SGCD: variants seen among roughly 807,000 people sequenced by gnomAD.
SGCD encodes delta-sarcoglycan.
Under a neutral mutation model 36.6 loss-of-function variants are expected in SGCD, and 18 were observed. That is an observed-to-expected ratio of 0.49 (90% CI 0.34 to 0.73). The LOEUF (loss-of-function observed/expected upper bound fraction) is 0.73, where lower values mean the gene tolerates loss of function less well. Ranked by LOEUF, SGCD falls within the 30% of genes least tolerant of loss-of-function variation. SGCD has a pLI of 0.01. For missense variants in SGCD, 387 were observed against 346.7 expected (o/e 1.12, Z -0.92); for synonymous variants, 133 against 130.6 (o/e 1.02, Z -0.12).
intron 3 of SGCD, among the ~76,000 whole-genome samples, chr5:156,227,136 T>C (rs1764881381): frequency 6.6e-6 from 1 of 152,160 alleles, no homozygotes; most frequent in Admixed American, 6.6e-5. Context: ...TTTTATTGCA[T>C]TTGCTTTTGG....
intron 1 of SGCD, among the ~76,000 whole-genome samples, chr5:155,975,536 A>G (rs1433283169): frequency 6.7e-6 from 1 of 149,164 alleles, no homozygotes; most frequent in East Asian, 2.0e-4. Flanking sequence ...TTTATCATGA[A>G]TGGATGTTGA....
At chr5:156,168,865 A>C (rs550571255) in intron 3 of SGCD, among the ~76,000 whole-genome samples, 13 of 152,318 alleles carry the variant, frequency 8.5e-5, no homozygotes, top group African/African-American at 3.1e-4. Flanking sequence ...AATCAGCAAG[A>C]ATAAACACAC....
At chr5:156,259,221 T>C (rs1475346591) in intron 3 of SGCD, among the ~76,000 whole-genome samples, 1 of 151,972 alleles carries the variant, frequency 6.6e-6, no homozygotes, top group Non-Finnish European at 1.5e-5. Flanking sequence ...TGTTTGTTAA[T>C]GATATGGAGC....
At chr5:156,648,543 C>G (rs184711120) in intron 7 of SGCD, among the ~76,000 whole-genome samples, 37 of 152,084 alleles carry the variant, frequency 2.4e-4, no homozygotes, top group Non-Finnish European at 4.0e-4. Flanking sequence ...TTTGCAAAGC[C>G]TATAAGTCTG....
At chr5:156,298,922 A>T (rs1423627790) in intron 3 of SGCD, among the ~76,000 whole-genome samples, 4 of 151,834 alleles carry the variant, frequency 2.6e-5, no homozygotes, top group African/African-American at 9.7e-5. Context: ...GATTGTTTTG[A>T]CATGCAGAGA....
chr5:156,487,896 A>G (rs1165998388), intron 3 of SGCD, among the ~76,000 whole-genome samples: 1 of 147,694 alleles, frequency 6.8e-6, no homozygotes, highest in East Asian at 1.9e-4. Flanking sequence ...GTGAGACATG[A>G]AAGAAAAAAA....
the SGCD span, among the ~76,000 whole-genome samples, chr5:155,776,006 T>G: frequency 6.6e-6 from 1 of 152,296 alleles, no homozygotes; most frequent in South Asian, 2.1e-4. Flanking sequence ...AAGTGAAAAC[T>G]TTTGGCTAGG....
chr5:156,639,835 A>G (rs1295823796), intron 6 of SGCD, among the ~76,000 whole-genome samples: 1 of 146,208 alleles, frequency 6.8e-6, no homozygotes, highest in African/African-American at 2.5e-5. Context: ...CTCTATTCTC[A>G]TGTTTTTTTT....
At chr5:156,141,714 A>G (rs570830243) in intron 3 of SGCD, among the ~76,000 whole-genome samples, 81 of 152,318 alleles carry the variant, frequency 5.3e-4, no homozygotes, top group African/African-American at 1.8e-3. Context: ...GAATTTACAT[A>G]TCCAGAGCAT....
At chr5:156,385,332 G>A (rs1223982857) in intron 3 of SGCD, among the ~76,000 whole-genome samples, 1 of 152,206 alleles carries the variant, frequency 6.6e-6, no homozygotes, top group African/African-American at 2.4e-5. Flanking sequence ...TAGCTGGTTG[G>A]TCAGTGGGAG....
At chr5:155,920,547 G>C (rs1044691151) in intron 1 of SGCD, among the ~76,000 whole-genome samples, 1 of 152,134 alleles carries the variant, frequency 6.6e-6, no homozygotes, top group Non-Finnish European at 1.5e-5. Context: ...GTGAGGAAGG[G>C]AGGAAATGGC....
chr5:156,067,661 C>A (rs1581073786), intron 1 of SGCD, among the ~76,000 whole-genome samples: 1 of 115,562 alleles, frequency 8.7e-6, no homozygotes, highest in Non-Finnish European at 1.6e-5. Flanking sequence ...TTTCTTAAGC[C>A]GGTCTGAAAA....
intron 6 of SGCD, among the ~76,000 whole-genome samples, chr5:156,623,123 T>C (rs1170480586): frequency 6.6e-6 from 1 of 152,218 alleles, no homozygotes; most frequent in African/African-American, 2.4e-5. Context: ...TGTATACACA[T>C]GTACATTAGA....
chr5:156,588,651 G>T (rs1299094523), intron 4 of SGCD, among the ~76,000 whole-genome samples: 1 of 152,198 alleles, frequency 6.6e-6, no homozygotes, highest in Non-Finnish European at 1.5e-5. Flanking sequence ...GGAATCTGGA[G>T]ACAAGAAAAG....
intron 3 of SGCD, among the ~76,000 whole-genome samples, chr5:156,312,433 C>G (rs548766210): frequency 6.6e-6 from 1 of 152,164 alleles, no homozygotes; most frequent in Non-Finnish European, 1.5e-5. Context: ...AAGTGAAACA[C>G]TGTGTGTGTG....
At chr5:155,825,969 C>T in the SGCD span, among the ~76,000 whole-genome samples, 5 of 152,192 alleles carry the variant, frequency 3.3e-5, no homozygotes, top group African/African-American at 7.2e-5. Flanking sequence ...AGGCTGGTCT[C>T]GAACTCCTGA....
chr5:155,939,574 G>A (rs1478113193), intron 1 of SGCD, among the ~76,000 whole-genome samples: 1 of 151,104 alleles, frequency 6.6e-6, no homozygotes, highest in African/African-American at 2.4e-5. Context: ...GAACCTGGGA[G>A]GCAGAGGTTG....
At chr5:156,638,341 C>T (rs1762908088) in intron 6 of SGCD, among the ~76,000 whole-genome samples, 1 of 151,794 alleles carries the variant, frequency 6.6e-6, no homozygotes. Flanking sequence ...CTCCCTCTCC[C>T]TCTACACTAC....
At chr5:156,530,210 T>C (rs967269489) in intron 4 of SGCD, among the ~76,000 whole-genome samples, 3 of 152,238 alleles carry the variant, frequency 2.0e-5, no homozygotes, top group Non-Finnish European at 4.4e-5. Flanking sequence ...GATGTTACAA[T>C]AATTGAAGTT....
Sources: allele counts gnomAD v4.1 joint callset (sites outside exome capture counted in the v4.1 genomes callset), GRCh38; gene constraint gnomAD v4.1.1; transcripts MANE v1.5; gene names NCBI Gene and HGNC (gene_info 2026-07-23, HGNC 2026-07-21).